The following PTPN1 variants were observed in gnomAD, a reference collection of about 807,000 sequenced individuals.
The protein encoded by PTPN1 is tyrosine-protein phosphatase non-receptor type 1.
In PTPN1, 12 loss-of-function variants were observed where a neutral mutation model predicts 59.9. That is an observed-to-expected ratio of 0.20 (90% CI 0.13 to 0.32). The LOEUF (loss-of-function observed/expected upper bound fraction) is 0.32. Ranked by LOEUF, PTPN1 falls within the 10% of genes least tolerant of loss-of-function variation. PTPN1 has a pLI of 1.00. For synonymous variants in PTPN1, 178 were observed against 203.6 expected, an observed-to-expected ratio of 0.87 and a Z score of 1.07; for missense variants, 356 against 549.2, an observed-to-expected ratio of 0.65 and a Z score of 3.52.
Position 50,579,761 on chromosome 20 carries a change from C to G in PTPN1, c.923C>G (p.Pro308Arg). 1 of 1,613,660 alleles carries G rather than the reference C, an allele frequency of 6.2e-7. No homozygotes were observed. Among genetic ancestry groups the G allele is most frequent in the East Asian group, 2.2e-5 (1 of 44,880 alleles). The change falls in exon 8 of 10, where the codon CCA becomes CGA. Residue 308 changes from proline to arginine, a missense_variant. Physicochemically the swap from Pro to Arg is moderately radical, Grantham distance 103 (BLOSUM62 -2). Coordinates refer to ENST00000371621, the MANE Select transcript of PTPN1 (RefSeq NM_002827.4). ...GAGCCCCCACCCGAGCATATCCCCCCACCTCCCCGGCCACCCAAACGAATC... is the reference window on the plus strand; with the variant it reads ...GAGCCCCCACCCGAGCATATCCCCCGACCTCCCCGGCCACCCAAACGAATC... ...DLEPPPEHIPPPPRPPKRILE... is the reference protein window; with the variant it reads ...DLEPPPEHIPRPPRPPKRILE...
At chr20:50,532,441 A>G (rs1302779956) in intron 1 of PTPN1, among the ~76,000 whole-genome samples, 1 of 152,206 alleles carries the variant, frequency 6.6e-6, no homozygotes, top group Non-Finnish European at 1.5e-5. Flanking sequence ...AAGTACAGAC[A>G]GTCCTTAACG....
rs562051062 is a variant in PTPN1, at chr20:50,580,422, A to G, written c.1088+496A>G. Among the ~76,000 whole-genome samples, 145 of 152,342 alleles carry G rather than the reference A, an allele frequency of 9.5e-4. 1 individual carries two copies. Among genetic ancestry groups the G allele is most frequent in the Non-Finnish European group, 1.0e-3 (69 of 68,038 alleles). On this transcript the variant is annotated intron_variant, in intron 8 of 9. Transcript: ENST00000371621. ...ATATGTGTGGTGTACTGAGTTAACT[A>G]GAACATGTCCCCTGGTCTGTGTTCT... is the stretch of plus-strand genomic sequence containing the variant.
At chr20:50,525,597 G>A (rs572908357) in intron 1 of PTPN1, among the ~76,000 whole-genome samples, 1 of 146,360 alleles carries the variant, frequency 6.8e-6, no homozygotes, top group South Asian at 2.1e-4. Context: ...ATATACAGAA[G>A]TAGTCCTGGA....
At position 50,583,124 on chromosome 20, in the gene PTPN1, A is replaced by G. The variant is rs1167793346; in HGVS notation, c.*409A>G. Reference sequence around the variant, plus strand: ...TCTCCACTCCATATTTATTTAAACAATTTTTTCCCCAAAGGCATCCATAGT... The same window carrying G: ...TCTCCACTCCATATTTATTTAAACAGTTTTTTCCCCAAAGGCATCCATAGT... On this transcript the variant is annotated 3_prime_UTR_variant, in exon 10 of 10. Transcript: ENST00000371621. 1.5e-5 allele frequency: 3 copies of G among 197,510 alleles called. No homozygotes were observed. Among genetic ancestry groups the G allele is most frequent in the East Asian group, 1.2e-4 (1 of 8,196 alleles). The allele number at this position is 197,510 out of a possible 1,614,324, so 12.2% of individuals were successfully genotyped here.
In PTPN1 at chr20:50,561,526, G is replaced by A. The variant is rs895067013; in HGVS notation, c.154+73G>A. On this transcript the variant is annotated intron_variant, in intron 2 of 9. Transcript: ENST00000371621. ...GGCCTTTTTAGTCAAGACTCCTTTC[G>A]CCTCAGGGTTTAGTATAATAATAAA... 16 of 928,066 alleles carry A rather than the reference G, an allele frequency of 1.7e-5. No homozygotes were observed. In the African/African-American group the frequency reaches 1.8e-4, roughly 11 times the overall value. The allele number at this position is 928,066 out of a possible 1,614,324, so 57.5% of individuals were successfully genotyped here.
chr20:50,533,811 C>T (rs2082611916), intron 1 of PTPN1, among the ~76,000 whole-genome samples: 1 of 152,184 alleles, frequency 6.6e-6, no homozygotes, highest in Non-Finnish European at 1.5e-5. Flanking sequence ...GCTAGAACTC[C>T]AGATTGTTCC....
chr20:50,516,123 A>AG (rs2082527857), intron 1 of PTPN1, among the ~76,000 whole-genome samples: 1 of 152,160 alleles, frequency 6.6e-6, no homozygotes, highest in Non-Finnish European at 1.5e-5. Flanking sequence ...GGTTCTCACA[A>AG]GCCTAGCGGG....
rs534978029 is a variant in PTPN1 at position 50,576,077 on chromosome 20, C to T, written c.492+1423C>T. ...GCTTTCTGCCCTCTGGTGGTGACCG[C>T]GCCGGAGTCACCAGCCCTGCCATAG... On this transcript the variant is annotated intron_variant, in intron 5 of 9. Transcript: ENST00000371621. 5.3e-5 allele frequency among the ~76,000 whole-genome samples: 8 copies of T among 152,280 alleles called. No individual in the cohort carries two copies. The East Asian group carries it at 1.3e-3, about 26-fold the overall frequency.
intron 1 of PTPN1, among the ~76,000 whole-genome samples, chr20:50,543,850 A>G (rs2082663079): frequency 6.6e-6 from 1 of 152,142 alleles, no homozygotes. Context: ...AAAACTTTTA[A>G]ACTTTTTTTT....
At chr20:50,540,553 A>T (rs896329468) in intron 1 of PTPN1, among the ~76,000 whole-genome samples, 1 of 152,180 alleles carries the variant, frequency 6.6e-6, no homozygotes, top group Non-Finnish European at 1.5e-5. Flanking sequence ...GTCCATTTTT[A>T]ACATTGGGGA....
chr20:50,518,333 A>G (rs2082537747), intron 1 of PTPN1, among the ~76,000 whole-genome samples: 2 of 152,244 alleles, frequency 1.3e-5, no homozygotes, highest in South Asian at 4.1e-4. Flanking sequence ...GGATGAAGTC[A>G]CTTCTGAATA....
chr20:50,566,815 G>A (rs1442999465), intron 3 of PTPN1, among the ~76,000 whole-genome samples: 2 of 152,158 alleles, frequency 1.3e-5, no homozygotes, highest in Admixed American at 6.5e-5. Flanking sequence ...GGTGGTGCTG[G>A]GAGTTAGGGA....
At chr20:50,511,295 G>A (rs2082506173) in intron 1 of PTPN1, among the ~76,000 whole-genome samples, 1 of 152,122 alleles carries the variant, frequency 6.6e-6, no homozygotes, top group Non-Finnish European at 1.5e-5. Context: ...ACTTCCTAAC[G>A]GGGTACAGGG....
chr20:50,545,050 G>A (rs1601399505), intron 1 of PTPN1, among the ~76,000 whole-genome samples: 1 of 152,184 alleles, frequency 6.6e-6, no homozygotes, highest in Non-Finnish European at 1.5e-5. Flanking sequence ...GTTAGCAGAA[G>A]TAGCCACAGG....
chr20:50,527,772 C>T (rs1411533405), intron 1 of PTPN1, among the ~76,000 whole-genome samples: 2 of 152,140 alleles, frequency 1.3e-5, no homozygotes, highest in Admixed American at 6.5e-5. Flanking sequence ...TGAATATTCC[C>T]TTCCCTGTTT....
At chr20:50,519,052 G>T (rs1418537096) in intron 1 of PTPN1, among the ~76,000 whole-genome samples, 1 of 152,054 alleles carries the variant, frequency 6.6e-6, no homozygotes, top group East Asian at 1.9e-4. Flanking sequence ...TAAATCTTAG[G>T]AATATTAGTG....
intron 1 of PTPN1, among the ~76,000 whole-genome samples, chr20:50,532,497 G>C (rs987432315): frequency 6.6e-6 from 1 of 152,196 alleles, no homozygotes; most frequent in Non-Finnish European, 1.5e-5. Flanking sequence ...GTTCTCTGGA[G>C]CTCTGATTGT....
At chr20:50,574,848 G>A in intron 5 of PTPN1, 194 bp downstream of exon 5, 1 of 588,880 alleles carries the variant, frequency 1.7e-6, no homozygotes, top group East Asian at 3.4e-5. Context: ...GGAGGCCACA[G>A]TGCTCTCTCT....
intron 1 of PTPN1, 111 bp downstream of exon 1, chr20:50,510,701 A>C: frequency 3.5e-6 from 4 of 1,147,770 alleles, no homozygotes; most frequent in Non-Finnish European, 4.8e-6. Context: ...CCTCGCTCCT[A>C]CTGCTTGAGG....
Sources: gnomAD v4.1 joint callset for allele counts (sites outside exome capture counted in the v4.1 genomes callset) on GRCh38, gnomAD v4.1.1 for gene constraint, MANE v1.5 for transcripts, NCBI Gene and HGNC (gene_info 2026-07-23, HGNC 2026-07-21) for gene names.